Variants in BLVRB observed in about 807,000 individuals in gnomAD.
The protein encoded by BLVRB is flavin reductase (NADPH).
BLVRB carries 25 observed loss-of-function variants against 21.1 expected under a neutral mutation model. The observed-to-expected ratio is 1.19, with a 90% CI of 0.86 to 1.66. The LOEUF is 1.66. Ranked by LOEUF, BLVRB falls within the 40% of genes most tolerant of loss-of-function variation. The probability of loss-of-function intolerance (pLI) is 0.00; values close to 1 mark genes in which losing one functional copy is unlikely to be tolerated. For synonymous variants in BLVRB, 128 were observed against 122.2 expected (o/e 1.05, Z -0.31); for missense variants, 274 against 282.7 (o/e 0.97, Z 0.22).
intron 3 of BLVRB, among the ~76,000 whole-genome samples, chr19:40,455,200 C>A (rs887549911): frequency 2.6e-5 from 4 of 152,134 alleles, no homozygotes; most frequent in African/African-American, 9.7e-5. Flanking sequence ...AAACAATCCT[C>A]CCCAAGCCCT....
Position 40,451,461 on chromosome 19 carries a change from G to T in BLVRB, c.366C>A (p.Pro122=), listed in dbSNP as rs760781854. The part of the protein sequence containing the change: ...AFLLWDPTKV[P]PRLQAVTDDH... ...CATCAGTCACAGCCTGCAGTCGTGG[G>T]GGCACCTTGGTAGGGTCCCAGAGCA... The change falls in exon 4 of 5, where the codon CCC becomes CCA. Residue 122 remains proline (P), a synonymous_variant. Coordinates refer to ENST00000263368, the MANE Select transcript of BLVRB (RefSeq NM_000713.3). 6.2e-7 allele frequency: 1 copy of T among 1,613,480 alleles called. No individual in the cohort carries two copies. The highest frequency in any genetic ancestry group is 1.1e-5 in the South Asian group (1 of 90,882).
rs557627615 is a variant in BLVRB at position 40,458,367 on chromosome 19, G to T, written c.244+14C>A. On this transcript the variant is annotated intron_variant, in intron 2 of 4. Transcript: ENST00000263368. ...GTGTAGGGGAGGGCCGTGGGCAGAG[G>T]GGGGGCTCAGTACTGAGGTCATTGC... 5.1e-6 allele frequency: 8 copies of T among 1,563,338 alleles called. No homozygotes were observed. In the South Asian group the frequency reaches 5.9e-5, roughly 11 times the overall value.
Position 40,465,660 on chromosome 19 carries a change from C to A in BLVRB, c.29G>T (p.Gly10Val), listed in dbSNP as rs1289022484. ...GGTGAGCCCGGTCTGGCCAGTGGCGCCGAAGATCGCGATCTTCTTGACGGC... is the reference window on the plus strand; with the variant it reads ...GGTGAGCCCGGTCTGGCCAGTGGCGACGAAGATCGCGATCTTCTTGACGGC... MAVKKIAIF[G>V]ATGQTGLTTL... The change falls in exon 1 of 5, where the codon GGC (glycine) becomes GTC (valine). Residue 10 changes from glycine (G) to valine (V), a missense_variant. Transcript: ENST00000263368. 8 of 1,612,706 alleles carry A rather than the reference C, an allele frequency of 5.0e-6. No individual in the cohort carries two copies. Among genetic ancestry groups the A allele is most frequent in the Non-Finnish European group, 6.8e-6 (8 of 1,179,802 alleles).
At position 40,448,641 on chromosome 19, in the gene BLVRB, A is replaced by AGC. The variant is rs1233204410; in HGVS notation, c.464-596_464-595insGC. The stretch of plus-strand genomic sequence containing the variant: ...TATATATATATATATATATATATAT[A>AGC]TATTTGTCAGATAGATATATATCTG... On this transcript the variant is annotated intron_variant, in intron 4 of 4. Coordinates refer to ENST00000263368, the MANE Select transcript of BLVRB (RefSeq NM_000713.3). 1.2e-3 allele frequency among the ~76,000 whole-genome samples: 147 copies of AGC among 121,196 alleles called. 5 individuals carry two copies. The highest frequency in any genetic ancestry group is 5.0e-3 in the East Asian group (20 of 3,982). The allele number at this position is 121,196 out of a possible 152,430, so 79.5% of individuals were successfully genotyped here. A position where few individuals can be genotyped will look rare whatever the true frequency, so the allele number is the denominator to read the frequency against.
intron 1 of BLVRB, among the ~76,000 whole-genome samples, chr19:40,459,190 A>G (rs1002202228): frequency 8.6e-5 from 13 of 150,806 alleles, no homozygotes; most frequent in African/African-American, 2.2e-4. Context: ...TTAGCCAGGC[A>G]TGGTGGCACA....
chr19:40,461,702 A>T (rs1022215517), intron 1 of BLVRB, among the ~76,000 whole-genome samples: 1 of 151,828 alleles, frequency 6.6e-6, no homozygotes, highest in South Asian at 2.1e-4. Context: ...GGGTTTCACG[A>T]TGTTAGCCAG....
chr19:40,449,279 T>C (rs938896762), intron 4 of BLVRB, among the ~76,000 whole-genome samples: 2 of 151,854 alleles, frequency 1.3e-5, no homozygotes, highest in Admixed American at 1.3e-4. Context: ...AGAGTCTTGC[T>C]CTGTCACCCA....
At chr19:40,455,807 T>G (rs2079759878) in intron 3 of BLVRB, among the ~76,000 whole-genome samples, 2 of 152,108 alleles carry the variant, frequency 1.3e-5, no homozygotes, top group African/African-American at 2.4e-5. Context: ...ACAATCACAA[T>G]TTTAAAATCA....
chr19:40,451,938 C>A (rs1362609456), intron 3 of BLVRB, among the ~76,000 whole-genome samples: 1 of 152,164 alleles, frequency 6.6e-6, no homozygotes, highest in Admixed American at 6.5e-5. Flanking sequence ...TTCCCTCACA[C>A]CCCAGGTAAG....
chr19:40,458,095 C>T (rs762159909), intron 3 of BLVRB, 60 bp downstream of exon 3: 11 of 1,517,040 alleles, frequency 7.3e-6, no homozygotes, highest in Non-Finnish European at 1.0e-5. Flanking sequence ...TTCAGAGGCC[C>T]CTGGGCTGCC....
intron 3 of BLVRB, among the ~76,000 whole-genome samples, chr19:40,454,826 T>C (rs144587090): frequency 0.048 from 7,339 of 152,124 alleles, 252 homozygotes; most frequent in African/African-American, 0.084. Context: ...ATTACAGGCG[T>C]GAGCCACAGC....
intron 1 of BLVRB, among the ~76,000 whole-genome samples, chr19:40,459,527 A>T (rs1383247287): frequency 6.7e-6 from 1 of 150,056 alleles, no homozygotes; most frequent in South Asian, 2.2e-4. Flanking sequence ...GGCTCACTGC[A>T]ACCTCCGCCT....
intron 4 of BLVRB, among the ~76,000 whole-genome samples, chr19:40,448,504 T>C (rs2079724051): frequency 6.6e-6 from 1 of 151,186 alleles, no homozygotes; most frequent in South Asian, 2.1e-4. Flanking sequence ...GGCTGGAGAA[T>C]TGCTTGAGCC....
At chr19:40,451,316 G>A (rs746555492) in intron 4 of BLVRB, 48 bp downstream of exon 4, 3 of 1,575,908 alleles carry the variant, frequency 1.9e-6, no homozygotes, top group East Asian at 4.6e-5. Context: ...GAGGGCAGGA[G>A]GGAACAGGCA....
At chr19:40,460,305 G>A (rs886659107) in intron 1 of BLVRB, among the ~76,000 whole-genome samples, 42 of 138,890 alleles carry the variant, frequency 3.0e-4, no homozygotes, top group South Asian at 6.8e-4. Context: ...CTGTTGCCCA[G>A]GCTGGAGTGC....
At chr19:40,460,638 A>AAATTT (rs1338556222) in intron 1 of BLVRB, among the ~76,000 whole-genome samples, 2 of 151,824 alleles carry the variant, frequency 1.3e-5, no homozygotes, top group African/African-American at 4.8e-5. Context: ...AAATTAAATT[A>AAATTT]AATTAACAAA....
intron 3 of BLVRB, among the ~76,000 whole-genome samples, chr19:40,455,609 A>T (rs928811175): frequency 6.6e-6 from 1 of 152,124 alleles, no homozygotes; most frequent in Admixed American, 6.6e-5. Flanking sequence ...GAGGCAGGAG[A>T]ATCCCTTGAA....
At chr19:40,451,642 C>T (rs2079740715) in intron 3 of BLVRB, 150 bp from the exon 4 acceptor site, 3 of 1,108,266 alleles carry the variant, frequency 2.7e-6, no homozygotes, top group Non-Finnish European at 3.6e-6. Context: ...AAGCAATTCT[C>T]CTGCCTCAGC....
At position 40,448,620 on chromosome 19, in the gene BLVRB, T is replaced by A. The variant is rs892812221; in HGVS notation, c.464-574A>T. Among the ~76,000 whole-genome samples the A allele has an allele frequency of 8.4e-3, 400 of 47,594 alleles. 4 individuals are homozygous for A. The highest frequency in any genetic ancestry group is 0.049 in the African/African-American group (378 of 7,744). 31.2% of individuals were successfully genotyped at this position (47,594 alleles called of 152,430 possible). On this transcript the variant is annotated intron_variant, in intron 4 of 4. Coordinates refer to ENST00000263368, the MANE Select transcript of BLVRB (RefSeq NM_000713.3). ...AACAACAACAACAAATATATATATATATATATATATATATATATATATATT... is the reference window on the plus strand; with the variant it reads ...AACAACAACAACAAATATATATATAAATATATATATATATATATATATATT...
Sources: allele counts gnomAD v4.1 joint callset (sites outside exome capture counted in the v4.1 genomes callset), GRCh38; gene constraint gnomAD v4.1.1; transcripts MANE v1.5; gene names NCBI Gene and HGNC (gene_info 2026-07-23, HGNC 2026-07-21).